The following PTPN2 variants were observed in gnomAD, a reference collection of about 807,000 sequenced individuals.
PTPN2 encodes the protein tyrosine-protein phosphatase non-receptor type 2.
In PTPN2, 19 loss-of-function variants were observed where a neutral mutation model predicts 57.3. The observed-to-expected ratio is 0.33, with a 90% CI of 0.23 to 0.49. The LOEUF (loss-of-function observed/expected upper bound fraction) is 0.49, where lower values mean the gene tolerates loss of function less well. Among genes scored for constraint, PTPN2 ranks in the 20% least tolerant of loss-of-function variants. PTPN2 has a pLI of 0.99. For missense variants in PTPN2, 358 were observed against 501.1 expected (o/e 0.71, Z 2.73); for synonymous variants, 153 against 164.9 (o/e 0.93, Z 0.55).
chr18:12,827,104 G>A (rs1225402646), intron 4 of PTPN2, among the ~76,000 whole-genome samples: 1 of 151,880 alleles, frequency 6.6e-6, no homozygotes, highest in Non-Finnish European at 1.5e-5. Context: ...AGCACTTTGG[G>A]AGGCTGAGGC....
In PTPN2 at chr18:12,884,173, C is replaced by T; in HGVS notation, c.-32G>A. The T allele has an allele frequency of 6.4e-7, 1 of 1,552,520 alleles. No individual in the cohort carries two copies. Among genetic ancestry groups the T allele is most frequent in the Non-Finnish European group, 8.7e-7 (1 of 1,149,856 alleles). On this transcript the variant is annotated 5_prime_UTR_variant, in exon 1 of 9. Transcript: ENST00000309660. ...GGGAGCGAGCTGGCGCGAGCAGAGC[C>T]TGCGCCGGCGGAGAGGCTCAGGCCC...
At chr18:12,879,170 A>G (rs776261614) in intron 1 of PTPN2, among the ~76,000 whole-genome samples, 3 of 152,110 alleles carry the variant, frequency 2.0e-5, no homozygotes, top group Admixed American at 2.0e-4. Flanking sequence ...ACAGGATCTC[A>G]CTCTGTCACC....
chr18:12,798,436 A>C (rs1300915470), intron 8 of PTPN2, among the ~76,000 whole-genome samples: 1 of 151,528 alleles, frequency 6.6e-6, no homozygotes, highest in Non-Finnish European at 1.5e-5. Context: ...ACAGGCCCCC[A>C]GTGTTGTTCC....
intron 2 of PTPN2, among the ~76,000 whole-genome samples, chr18:12,843,066 A>G (rs1457663798): frequency 1.3e-5 from 2 of 152,192 alleles, no homozygotes; most frequent in Admixed American, 1.3e-4. Flanking sequence ...CAGATGAAAA[A>G]CATGGGTGAG....
chr18:12,827,732 C>G (rs951054212), intron 4 of PTPN2, among the ~76,000 whole-genome samples: 1 of 150,844 alleles, frequency 6.6e-6, no homozygotes, highest in South Asian at 2.1e-4. Flanking sequence ...AAGAGATAAA[C>G]AGGATTAAAG....
intron 1 of PTPN2, among the ~76,000 whole-genome samples, chr18:12,873,473 G>A (rs2044346821): frequency 6.6e-6 from 1 of 152,210 alleles, no homozygotes; most frequent in African/African-American, 2.4e-5. Flanking sequence ...TTTTTTTGGG[G>A]GAGACGGGGT....
chr18:12,797,385 A>T (rs2041232591), intron 8 of PTPN2, among the ~76,000 whole-genome samples: 1 of 152,156 alleles, frequency 6.6e-6, no homozygotes, highest in Non-Finnish European at 1.5e-5. Flanking sequence ...ATATGATTAC[A>T]TAATTAGTGC....
At chr18:12,812,745 C>T (rs892806839) in intron 7 of PTPN2, among the ~76,000 whole-genome samples, 1 of 152,046 alleles carries the variant, frequency 6.6e-6, no homozygotes, top group Non-Finnish European at 1.5e-5. Context: ...GAAATTAACC[C>T]CTTGGAATGG....
chr18:12,798,648 T>C (rs551649996), intron 8 of PTPN2, among the ~76,000 whole-genome samples: 1 of 152,372 alleles, frequency 6.6e-6, no homozygotes, highest in Non-Finnish European at 1.5e-5. Flanking sequence ...CTTTATGCAG[T>C]CTATCATTGA....
intron 1 of PTPN2, among the ~76,000 whole-genome samples, chr18:12,867,514 T>C (rs1396115863): frequency 6.6e-6 from 1 of 152,148 alleles, no homozygotes; most frequent in African/African-American, 2.4e-5. Flanking sequence ...GTACCTCAAA[T>C]TTAAACTTTC....
chr18:12,834,999 GCAGATA>G (rs1406578743), intron 3 of PTPN2, among the ~76,000 whole-genome samples: 1 of 152,014 alleles, frequency 6.6e-6, no homozygotes, highest in African/African-American at 2.4e-5. Context: ...TGTAGAACCT[GCAGATA>G]CAAAGAGTCA....
chr18:12,834,864 C>T (rs1446445343), intron 3 of PTPN2, among the ~76,000 whole-genome samples: 9 of 152,040 alleles, frequency 5.9e-5, no homozygotes, highest in Admixed American at 5.2e-4. Flanking sequence ...GGTAATTCTT[C>T]TCTATTTTTT....
At position 12,794,477 on chromosome 18, in the gene PTPN2, C is replaced by T. The variant is rs558014719; in HGVS notation, c.1049G>A (p.Arg350Gln). 25 of 1,613,010 alleles carry T rather than the reference C, an allele frequency of 1.5e-5. No homozygotes were observed. Among genetic ancestry groups the T allele is most frequent in the East Asian group, 8.9e-5 (4 of 44,882 alleles). The part of the protein sequence containing the change: ...TMEENSESAL[R>Q]KRIREDRKAT... ...CTTTCTGTCCTCTCGAATACGTTTC[C>T]GTAGAGCACTATGAGGAAATAAAAA... is the stretch of plus-strand genomic sequence containing the variant. Residue 350 changes from arginine to glutamine, a missense_variant, in exon 9 of 9, where the codon CGG becomes CAG. Arg to Gln is a conservative substitution (Grantham distance 43). Coordinates refer to ENST00000309660, the MANE Select transcript of PTPN2 (RefSeq NM_002828.4).
intron 5 of PTPN2, among the ~76,000 whole-genome samples, chr18:12,820,009 C>T (rs1598784149): frequency 6.6e-6 from 1 of 152,332 alleles, no homozygotes; most frequent in Admixed American, 6.5e-5. Flanking sequence ...CGGCCCAGTA[C>T]CCCTACGGGG....
At chr18:12,869,224 T>G (rs1390728611) in intron 1 of PTPN2, 1 of 152,270 alleles carries the variant, frequency 6.6e-6, no homozygotes, top group Non-Finnish European at 1.5e-5. Context: ...TCACTCAGGC[T>G]GGAATGCAGT....
At chr18:12,849,472 T>C (rs12456256) in intron 2 of PTPN2, among the ~76,000 whole-genome samples, 1 of 152,112 alleles carries the variant, frequency 6.6e-6, no homozygotes, top group Admixed American at 6.6e-5. Context: ...GGCAGGAGAA[T>C]TGCTTGAACC....
intron 2 of PTPN2, among the ~76,000 whole-genome samples, chr18:12,840,130 G>C (rs185940949): frequency 6.6e-6 from 1 of 152,338 alleles, no homozygotes; most frequent in African/African-American, 2.4e-5. Context: ...CAGGCAAGAA[G>C]ATGACCAATT....
chr18:12,800,176 C>T (rs2041362561), intron 8 of PTPN2, among the ~76,000 whole-genome samples: 1 of 152,230 alleles, frequency 6.6e-6, no homozygotes, highest in African/African-American at 2.4e-5. Context: ...GAGTTATAGA[C>T]TCTAGAGTGG....
At chr18:12,868,245 G>GT (rs201772503) in intron 1 of PTPN2, among the ~76,000 whole-genome samples, 1 of 151,620 alleles carries the variant, frequency 6.6e-6, no homozygotes, top group Non-Finnish European at 1.5e-5. Flanking sequence ...GTTGTTTTTT[G>GT]TTTTTTGTTT....
Sources: gnomAD v4.1 joint callset for allele counts (sites outside exome capture counted in the v4.1 genomes callset) on GRCh38, gnomAD v4.1.1 for gene constraint, MANE v1.5 for transcripts, NCBI Gene and HGNC (gene_info 2026-07-23, HGNC 2026-07-21) for gene names.